Variants in GPM6A observed in about 807,000 individuals in gnomAD.
GPM6A encodes neuronal membrane glycoprotein M6-a.
GPM6A carries 7 observed loss-of-function variants against 32.1 expected under a neutral mutation model. That is an observed-to-expected ratio of 0.22 (90% CI 0.12 to 0.41). The LOEUF is 0.41. GPM6A is among the 10% of genes least tolerant of loss of function. The pLI is 1.00. For synonymous variants in GPM6A, 130 were observed against 123.4 expected, an observed-to-expected ratio of 1.05 and a Z score of -0.35; for missense variants, 235 against 347.2, an observed-to-expected ratio of 0.68 and a Z score of 2.57.
In GPM6A at chr4:175,698,423, G is replaced by A. The variant is rs369673047; in HGVS notation, c.230+3152C>T. Among the ~76,000 whole-genome samples, 17 of 152,158 alleles carry A rather than the reference G, an allele frequency of 1.1e-4. No homozygotes were observed. The East Asian group carries it at 2.5e-3, about 22-fold the overall frequency. On this transcript the variant is annotated intron_variant, in intron 2 of 6. Transcript: ENST00000393658. ...CCAAGGAGATGTATGGCCTGCAAAC[G>A]AATCATTCAGCCTCCTCTGCCTTCT...
At chr4:175,798,253 A>T (rs566395488) in intron 1 of GPM6A, among the ~76,000 whole-genome samples, 1 of 152,300 alleles carries the variant, frequency 6.6e-6, no homozygotes, top group African/African-American at 2.4e-5. Context: ...TAATCACCCC[A>T]CCTTTCACAA....
chr4:175,920,755 A>G (rs1476074421), intron 1 of GPM6A, among the ~76,000 whole-genome samples: 4 of 151,922 alleles, frequency 2.6e-5, no homozygotes, highest in Non-Finnish European at 4.4e-5. Context: ...CGGCTGAGGC[A>G]GGAGAATCAC....
intron 1 of GPM6A, among the ~76,000 whole-genome samples, chr4:175,754,979 G>T (rs556127803): frequency 2.6e-5 from 4 of 151,374 alleles, no homozygotes; most frequent in Admixed American, 1.3e-4. Flanking sequence ...CAACACACAC[G>T]CACACAATTA....
chr4:175,665,428 G>C (rs1477197479), intron 3 of GPM6A, among the ~76,000 whole-genome samples: 1 of 152,002 alleles, frequency 6.6e-6, no homozygotes, highest in African/African-American at 2.4e-5. Flanking sequence ...AATCGAGCCA[G>C]AGATTTTATT....
intron 1 of GPM6A, among the ~76,000 whole-genome samples, chr4:175,702,925 A>G (rs1744959997): frequency 1.3e-5 from 2 of 152,152 alleles, no homozygotes; most frequent in African/African-American, 2.4e-5. Flanking sequence ...GCTATCATTC[A>G]TGGTTTGAAA....
intron 1 of GPM6A, among the ~76,000 whole-genome samples, chr4:175,948,687 GA>G (rs1579654883): frequency 6.6e-6 from 1 of 152,248 alleles, no homozygotes; most frequent in East Asian, 1.9e-4. Flanking sequence ...TAAGAAATCA[GA>G]AAATGCTAAC....
chr4:175,876,748 A>G (rs1430296508), intron 1 of GPM6A, among the ~76,000 whole-genome samples: 3 of 152,070 alleles, frequency 2.0e-5, no homozygotes, highest in Non-Finnish European at 4.4e-5. Context: ...CAATCCAGCA[A>G]TTTTTGCCAT....
chr4:175,798,702 C>G (rs1295888321), intron 1 of GPM6A: 1 of 152,040 alleles, frequency 6.6e-6, no homozygotes, highest in Admixed American at 6.5e-5. Context: ...TTGAATGTTA[C>G]CACTGTTCTC....
chr4:175,747,667 CAA>C (rs1732162790), intron 1 of GPM6A, among the ~76,000 whole-genome samples: 1 of 152,150 alleles, frequency 6.6e-6, no homozygotes, highest in Non-Finnish European at 1.5e-5. Context: ...GAGCCTTCAG[CAA>C]GTCTTAATCT....
intron 1 of GPM6A, among the ~76,000 whole-genome samples, chr4:175,735,040 A>G (rs1008098465): frequency 2.0e-5 from 3 of 152,206 alleles, no homozygotes; most frequent in Admixed American, 2.0e-4. Flanking sequence ...TTTGTTCAGA[A>G]CAGTGCTTTA....
chr4:175,830,811 T>G (rs895372679), intron 1 of GPM6A, among the ~76,000 whole-genome samples: 7 of 146,496 alleles, frequency 4.8e-5, no homozygotes, highest in South Asian at 2.1e-4. Context: ...ATTATTTCTG[T>G]TTTTTTTTTC....
At chr4:175,950,796 C>A (rs572939838) in intron 1 of GPM6A, among the ~76,000 whole-genome samples, 2 of 152,158 alleles carry the variant, frequency 1.3e-5, no homozygotes, top group African/African-American at 4.8e-5. Context: ...TTCTTGTCAC[C>A]TTAAATGATT....
At chr4:175,835,061 G>T (rs1007678192) in intron 1 of GPM6A, among the ~76,000 whole-genome samples, 1 of 152,164 alleles carries the variant, frequency 6.6e-6, no homozygotes, top group African/African-American at 2.4e-5. Flanking sequence ...TGAGAAGACA[G>T]TGCTGCCGAA....
chr4:175,637,725 T>C (rs1477116312), intron 6 of GPM6A, among the ~76,000 whole-genome samples: 64 of 8,004 alleles, frequency 8.0e-3, no homozygotes, highest in African/African-American at 0.021. Context: ...TTATATATAA[T>C]ATATTATATA....
chr4:175,981,863 G>A (rs551246939), intron 1 of GPM6A, among the ~76,000 whole-genome samples: 1 of 152,142 alleles, frequency 6.6e-6, no homozygotes, highest in African/African-American at 2.4e-5. Flanking sequence ...GAGAATTCCA[G>A]CTGTCCACTG....
At chr4:175,777,153 G>A (rs151283064) in intron 1 of GPM6A, among the ~76,000 whole-genome samples, 17 of 152,110 alleles carry the variant, frequency 1.1e-4, no homozygotes, top group African/African-American at 2.9e-4. Context: ...TTATGCAAAC[G>A]TACATAGGCT....
At chr4:175,966,010 T>G (rs1385613) in intron 1 of GPM6A, among the ~76,000 whole-genome samples, 16,603 of 152,208 alleles carry the variant, frequency 0.11, 1,056 homozygotes, top group South Asian at 0.25. Context: ...CAAAATGAAA[T>G]GGAACAATTC....
rs1740482828 is a variant in GPM6A at position 175,634,790 on chromosome 4, C to T, written c.*115G>A. ...TGTACTCAGGTGATTCATAAGTCAC[C>T]TTACATATCATTGATGAGAAGCACT... On this transcript the variant is annotated 3_prime_UTR_variant, in exon 7 of 7. Coordinates refer to ENST00000393658, the MANE Select transcript of GPM6A (RefSeq NM_201591.3). 2 of 740,998 alleles carry T rather than the reference C, an allele frequency of 2.7e-6. No homozygotes were observed. 45.9% of individuals were successfully genotyped at this position (740,998 alleles called of 1,614,324 possible).
chr4:175,788,554 C>A (rs1373772896), intron 1 of GPM6A, among the ~76,000 whole-genome samples: 1 of 152,082 alleles, frequency 6.6e-6, no homozygotes, highest in Non-Finnish European at 1.5e-5. Context: ...ACAACACAGA[C>A]AAAACCCTTA....
Sources: allele counts gnomAD v4.1 joint callset (sites outside exome capture counted in the v4.1 genomes callset), GRCh38; gene constraint gnomAD v4.1.1; transcripts MANE v1.5; gene names NCBI Gene and HGNC (gene_info 2026-07-23, HGNC 2026-07-21).